Variants in DOCK3 observed in about 807,000 individuals in gnomAD.
DOCK3 encodes the protein dedicator of cytokinesis protein 3.
A neutral mutation model predicts 265.6 loss-of-function variants in DOCK3; 60 were observed. That is an observed-to-expected ratio of 0.23 (90% CI 0.18 to 0.28). DOCK3 has a LOEUF of 0.28. Among genes scored for constraint, DOCK3 ranks in the 10% least tolerant of loss-of-function variants. DOCK3 has a pLI of 1.00. For synonymous variants in DOCK3, 881 were observed against 938.0 expected, an observed-to-expected ratio of 0.94 and a Z score of 1.11; for missense variants, 1,981 against 2,594.3, an observed-to-expected ratio of 0.76 and a Z score of 5.14.
chr3:50,829,635 G>T (rs1683898605), intron 2 of DOCK3, among the ~76,000 whole-genome samples: 1 of 152,174 alleles, frequency 6.6e-6, no homozygotes, highest in African/African-American at 2.4e-5. Context: ...TTCTCTTGGA[G>T]ATTATAGTGT....
intron 1 of DOCK3, among the ~76,000 whole-genome samples, chr3:50,729,681 C>T (rs1301085979): frequency 6.6e-6 from 1 of 151,820 alleles, no homozygotes; most frequent in Non-Finnish European, 1.5e-5. Context: ...CACCACCATA[C>T]CAGACTAATT....
chr3:51,319,778 T>A (rs2083577422), intron 32 of DOCK3, among the ~76,000 whole-genome samples: 1 of 151,838 alleles, frequency 6.6e-6, no homozygotes, highest in Non-Finnish European at 1.5e-5. Flanking sequence ...GGCAGGATAA[T>A]CGCTTGAACC....
chr3:51,224,383 C>T (rs1422603741), intron 14 of DOCK3, among the ~76,000 whole-genome samples: 3 of 152,150 alleles, frequency 2.0e-5, no homozygotes, highest in African/African-American at 4.8e-5. Context: ...CTGGTCTATT[C>T]CTGTTTCATG....
chr3:51,113,119 C>T (rs889968076), intron 9 of DOCK3, among the ~76,000 whole-genome samples: 1 of 151,998 alleles, frequency 6.6e-6, no homozygotes, highest in African/African-American at 2.4e-5. Context: ...CAGCATAAAA[C>T]AAGACAGAGA....
chr3:50,806,917 CAG>C (rs575267960), intron 2 of DOCK3, among the ~76,000 whole-genome samples: 187 of 152,156 alleles, frequency 1.2e-3, no homozygotes, highest in Non-Finnish European at 2.2e-3. Context: ...AAACTGGACT[CAG>C]GGGGTGTAAG....
In DOCK3 at chr3:51,267,259, G is replaced by A. The variant is rs576612011; in HGVS notation, c.2356-3556G>A. On this transcript the variant is annotated intron_variant, in intron 23 of 52. Transcript: ENST00000266037. The stretch of plus-strand genomic sequence containing the variant: ...TTCAACCATTGTGGAAGACAGTGTG[G>A]TGATTCCTCAAGGATCTAGAACTAG... 5.9e-5 allele frequency among the ~76,000 whole-genome samples: 9 copies of A among 152,284 alleles called. No individual in the cohort carries two copies. In the South Asian group the frequency reaches 1.7e-3, roughly 28 times the overall value.
chr3:50,680,669 C>T (rs3943212), intron 1 of DOCK3, among the ~76,000 whole-genome samples: 1 of 151,322 alleles, frequency 6.6e-6, no homozygotes, highest in Non-Finnish European at 1.5e-5. Flanking sequence ...CCATGCCCAG[C>T]GAATTTTTAA....
At chr3:50,810,205 C>G (rs878865440) in intron 2 of DOCK3, among the ~76,000 whole-genome samples, 1 of 152,064 alleles carries the variant, frequency 6.6e-6, no homozygotes, top group Admixed American at 6.6e-5. Context: ...GATGCTGCTA[C>G]TGTTTTTATT....
Position 51,338,936 on chromosome 3 carries a change from A to C in DOCK3, c.3674A>C (p.Asn1225Thr). Residue 1225 changes from asparagine (N) to threonine (T), a missense_variant and splice_region_variant, in exon 37 of 53, where the codon AAT becomes ACT. This residue lies in a region of DOCK3 where 1,357 missense variants were observed against 1,866.8 expected (regional missense o/e 0.73). Transcript: ENST00000266037. ...GGTGTTTCCTTCTCTTTATTGTAGA[A>C]TTTTTACAAATCTGAGATTAACAAG... ...KKIGCTVNLMNFYKSEINKEE... is the reference protein window; with the variant it reads ...KKIGCTVNLMTFYKSEINKEE... The C allele has an allele frequency of 6.2e-7, 1 of 1,602,216 alleles. No individual in the cohort carries two copies. The highest frequency in any genetic ancestry group is 8.5e-7 in the Non-Finnish European group (1 of 1,173,870).
chr3:51,356,083 G>T lies in DOCK3; in HGVS notation c.4250-6G>T, dbSNP rs1484050100. On this transcript the variant is annotated splice_region_variant and splice_polypyrimidine_tract_variant and intron_variant, in intron 41 of 52. Coordinates refer to ENST00000266037, the MANE Select transcript of DOCK3 (RefSeq NM_004947.5). ...AGTCTGTGTTTCTCCTTCACTTCCT[G>T]CCCAGACTTGCAGATCTATGCAGTG... 1 of 1,613,736 alleles carries T rather than the reference G, an allele frequency of 6.2e-7. No homozygotes were observed. The highest frequency in any genetic ancestry group is 1.3e-5 in the African/African-American group (1 of 74,892).
intron 6 of DOCK3, among the ~76,000 whole-genome samples, chr3:51,066,199 C>T (rs1687294265): frequency 6.6e-6 from 1 of 151,962 alleles, no homozygotes; most frequent in Admixed American, 6.6e-5. Context: ...AACATTTTGC[C>T]TTCCAAAAAA....
At chr3:51,245,697 C>T (rs2078806349) in intron 21 of DOCK3, among the ~76,000 whole-genome samples, 1 of 152,070 alleles carries the variant, frequency 6.6e-6, no homozygotes, top group Admixed American at 6.6e-5. Context: ...AGCCAGAAAT[C>T]ACCATTTTCT....
intron 9 of DOCK3, among the ~76,000 whole-genome samples, chr3:51,125,045 A>G (rs1028673902): frequency 6.6e-6 from 1 of 152,042 alleles, no homozygotes; most frequent in African/African-American, 2.4e-5. Context: ...AGGCTGAAGC[A>G]GAAGAATCGC....
chr3:50,906,596 G>C (rs772055420), intron 4 of DOCK3, among the ~76,000 whole-genome samples: 79 of 152,002 alleles, frequency 5.2e-4, no homozygotes, highest in Non-Finnish European at 9.3e-4. Flanking sequence ...ATTTCTGTGG[G>C]ATCGGTGGTG....
intron 5 of DOCK3, among the ~76,000 whole-genome samples, chr3:50,954,097 A>T (rs1294367257): frequency 1.3e-5 from 2 of 152,120 alleles, no homozygotes; most frequent in African/African-American, 4.8e-5. Context: ...TTCCTATTAA[A>T]CATTAACCCC....
chr3:51,118,080 C>T (rs2106659675), intron 9 of DOCK3, among the ~76,000 whole-genome samples: 2 of 152,272 alleles, frequency 1.3e-5, no homozygotes, highest in East Asian at 3.9e-4. Flanking sequence ...TTCCTGTTTT[C>T]TCCTGTGGGC....
intron 5 of DOCK3, among the ~76,000 whole-genome samples, chr3:51,022,260 C>G (rs1259993099): frequency 2.0e-5 from 3 of 152,148 alleles, no homozygotes; most frequent in Non-Finnish European, 4.4e-5. Flanking sequence ...GTAGATTCTT[C>G]TGGAAGTTCT....
At chr3:50,749,373 G>A (rs561729259) in intron 1 of DOCK3, among the ~76,000 whole-genome samples, 102 of 152,316 alleles carry the variant, frequency 6.7e-4, no homozygotes, top group African/African-American at 2.4e-3. Context: ...TAAGGATTAA[G>A]TTTCAGGCAA....
intron 7 of DOCK3, among the ~76,000 whole-genome samples, chr3:51,077,443 T>A (rs1331415100): frequency 1.3e-5 from 2 of 152,132 alleles, no homozygotes; most frequent in Non-Finnish European, 2.9e-5. Flanking sequence ...GAAGAGTCAT[T>A]CAAGCAGGAG....
Sources: gnomAD v4.1 joint callset for allele counts (sites outside exome capture counted in the v4.1 genomes callset) on GRCh38, gnomAD v4.1.1 for gene constraint, gnomAD v4.1.1 regional missense constraint, MANE v1.5 for transcripts, NCBI Gene and HGNC (gene_info 2026-07-23, HGNC 2026-07-21) for gene names.